Variants in MED13L observed in about 807,000 individuals in gnomAD.
The protein encoded by MED13L is mediator of RNA polymerase II transcription subunit 13-like.
MED13L carries 7 observed loss-of-function variants against 220.9 expected under a neutral mutation model. The ratio of observed to expected loss-of-function variants is 0.03; its 90% CI spans 0.02 to 0.06. The LOEUF is 0.06. Among genes scored for constraint, MED13L ranks in the 10% least tolerant of loss-of-function variants. The pLI is 1.00. For synonymous variants in MED13L, 1,011 were observed against 1,015.2 expected (o/e 1.00, Z 0.08); for missense variants, 1,965 against 2,760.5 (o/e 0.71, Z 6.46).
At chr12:116,213,358 A>C (rs183524909) in intron 2 of MED13L, among the ~76,000 whole-genome samples, 13 of 152,202 alleles carry the variant, frequency 8.5e-5, no homozygotes, top group Admixed American at 2.6e-4. Flanking sequence ...GTAAAAAATA[A>C]TACTACTAAA....
chr12:116,111,210 G>C (rs571976537), intron 3 of MED13L, among the ~76,000 whole-genome samples: 1 of 152,200 alleles, frequency 6.6e-6, no homozygotes, highest in South Asian at 2.1e-4. Flanking sequence ...AAAAACTACC[G>C]TTGAAGGGCA....
At chr12:116,024,549 T>G (rs574844086) in intron 4 of MED13L, among the ~76,000 whole-genome samples, 1 of 152,318 alleles carries the variant, frequency 6.6e-6, no homozygotes, top group Admixed American at 6.5e-5. Context: ...ATATATAGTT[T>G]GCAAATATTT....
intron 4 of MED13L, among the ~76,000 whole-genome samples, chr12:116,042,930 C>A (rs975933783): frequency 6.6e-6 from 1 of 152,166 alleles, no homozygotes; most frequent in Non-Finnish European, 1.5e-5. Flanking sequence ...CAGTTCAATT[C>A]TTTCAAGGAT....
intron 4 of MED13L, among the ~76,000 whole-genome samples, chr12:116,033,922 C>G (rs577928073): frequency 2.4e-3 from 365 of 152,282 alleles, no homozygotes; most frequent in Non-Finnish European, 3.9e-3. Context: ...CACTCGTATA[C>G]AATCACTCCA....
At chr12:116,072,015 G>A (rs1870411193) in intron 4 of MED13L, among the ~76,000 whole-genome samples, 1 of 152,158 alleles carries the variant, frequency 6.6e-6, no homozygotes, top group Non-Finnish European at 1.5e-5. Flanking sequence ...ATTCACATTG[G>A]ATGTTGCCTA....
chr12:116,124,631 A>T (rs1875421639), intron 2 of MED13L, among the ~76,000 whole-genome samples: 2 of 152,330 alleles, frequency 1.3e-5, no homozygotes, highest in East Asian at 1.9e-4. Context: ...CTTTGGTTAA[A>T]AACAAGAATG....
intron 22 of MED13L, chr12:115,981,895 A>G (rs1281559011): frequency 6.3e-6 from 1 of 159,880 alleles, no homozygotes; most frequent in Non-Finnish European, 1.4e-5. Context: ...TTGAATGTAA[A>G]AGACGGAATT....
intron 2 of MED13L, among the ~76,000 whole-genome samples, chr12:116,197,105 A>C (rs1039693200): frequency 6.6e-6 from 1 of 152,172 alleles, no homozygotes; most frequent in Non-Finnish European, 1.5e-5. Context: ...CAGCACACTC[A>C]CTTTACTTTA....
intron 2 of MED13L, among the ~76,000 whole-genome samples, chr12:116,188,539 A>T (rs994300588): frequency 2.0e-5 from 3 of 152,192 alleles, no homozygotes; most frequent in Non-Finnish European, 4.4e-5. Context: ...AGATAGTCAG[A>T]GATTCACATG....
At chr12:115,966,054 C>A in intron 29 of MED13L, 28 bp downstream of exon 29, 1 of 1,612,750 alleles carries the variant, frequency 6.2e-7, no homozygotes, top group Non-Finnish European at 8.5e-7. Flanking sequence ...TCATTCCTTG[C>A]AAACTTCTAA....
intron 5 of MED13L, among the ~76,000 whole-genome samples, chr12:116,020,796 T>C (rs1880014316): frequency 6.6e-6 from 1 of 152,150 alleles, no homozygotes; most frequent in East Asian, 1.9e-4. Flanking sequence ...TTCCAAATAA[T>C]ACGTTTCTGA....
chr12:115,968,065 C>CCCCCCCG, intron 28 of MED13L, among the ~76,000 whole-genome samples: 1 of 138,408 alleles, frequency 7.2e-6, no homozygotes, highest in Admixed American at 7.1e-5. Context: ...CCCCCCCCCC[C>CCCCCCCG]CCGATGAAAA....
chr12:115,990,379 T>C (rs1808094513), intron 17 of MED13L, among the ~76,000 whole-genome samples: 1 of 152,230 alleles, frequency 6.6e-6, no homozygotes, highest in African/African-American at 2.4e-5. Context: ...AGAAAGTCCA[T>C]GAGGGTAAGT....
chr12:116,108,905 A>T (rs371098179), intron 3 of MED13L, among the ~76,000 whole-genome samples: 22 of 152,282 alleles, frequency 1.4e-4, no homozygotes, highest in East Asian at 9.6e-4. Context: ...ATCATCTAGC[A>T]AAAGCTCAAG....
intron 4 of MED13L, among the ~76,000 whole-genome samples, chr12:116,062,001 C>T (rs1465277244): frequency 3.1e-5 from 3 of 96,344 alleles, no homozygotes; most frequent in African/African-American, 8.7e-5. Context: ...GAGCAAGACT[C>T]CACATCGAAA....
At position 116,019,759 on chromosome 12, in the gene MED13L, G is replaced by A; in HGVS notation, c.820+19C>T. 6.2e-7 allele frequency: 1 copy of A among 1,608,896 alleles called. No individual in the cohort carries two copies. Among genetic ancestry groups the A allele is most frequent in the Admixed American group, 1.7e-5 (1 of 59,948 alleles). ...GAGGAAGAAGAATAAAGTTCTTCAG[G>A]CAAAATATTTTCTCTTACCAACAAT... is the stretch of plus-strand genomic sequence containing the variant. On this transcript the variant is annotated intron_variant, in intron 6 of 30. Coordinates refer to ENST00000281928, the MANE Select transcript of MED13L (RefSeq NM_015335.5).
intron 4 of MED13L, among the ~76,000 whole-genome samples, chr12:116,089,215 C>T (rs1311496326): frequency 6.6e-6 from 1 of 152,108 alleles, no homozygotes; most frequent in Non-Finnish European, 1.5e-5. Context: ...TAGTAGTGTT[C>T]ACTAAATTCT....
chr12:115,997,324 G>C lies in MED13L; in HGVS notation c.2570-94C>G, dbSNP rs1878468226. 6.3e-6 allele frequency: 6 copies of C among 955,962 alleles called. No homozygotes were observed. In the East Asian group the frequency reaches 1.5e-4, roughly 25 times the overall value. 59.2% of individuals were successfully genotyped at this position (955,962 alleles called of 1,614,324 possible). A position where few individuals can be genotyped will look rare whatever the true frequency, so the allele number is the denominator to read the frequency against. On this transcript the variant is annotated intron_variant, in intron 14 of 30. Coordinates refer to ENST00000281928, the MANE Select transcript of MED13L (RefSeq NM_015335.5). ...GGCGCACTCTTTGGCACCAAAAATA[G>C]TGCTAATTAAATGATCACATCAGTT...
At chr12:116,181,622 C>A (rs144764718) in intron 2 of MED13L, among the ~76,000 whole-genome samples, 1 of 152,262 alleles carries the variant, frequency 6.6e-6, no homozygotes, top group Non-Finnish European at 1.5e-5. Context: ...GTTCTCCTGT[C>A]TCAGCCTCCG....
Sources: allele counts gnomAD v4.1 joint callset (sites outside exome capture counted in the v4.1 genomes callset), GRCh38; gene constraint gnomAD v4.1.1; transcripts MANE v1.5; gene names NCBI Gene and HGNC (gene_info 2026-07-23, HGNC 2026-07-21).